EMSY: variants seen among roughly 807,000 people sequenced by gnomAD.
The protein encoded by EMSY is EMSY transcriptional repressor, BRCA2 interacting, also known as BRCA2-interacting transcriptional repressor EMSY.
EMSY carries 26 observed loss-of-function variants against 134.6 expected under a neutral mutation model. The ratio of observed to expected loss-of-function variants is 0.19; its 90% CI spans 0.14 to 0.27. The LOEUF (loss-of-function observed/expected upper bound fraction) is 0.27, where lower values mean the gene tolerates loss of function less well. Ranked by LOEUF, EMSY falls within the 10% of genes least tolerant of loss-of-function variation. The pLI, the probability that EMSY is intolerant of heterozygous loss-of-function variation, is 1.00. For missense variants in EMSY, 1,305 were observed against 1,611.4 expected (o/e 0.81, Z 3.26); for synonymous variants, 579 against 577.8 (o/e 1.00, Z -0.03).
chr11:76,539,222 T>C (rs148579897), intron 16 of EMSY, among the ~76,000 whole-genome samples: 259 of 152,282 alleles, frequency 1.7e-3, no homozygotes, highest in Middle Eastern at 3.4e-3. Flanking sequence ...ATGTGAATAA[T>C]TAAAGGGTTT....
intron 11 of EMSY, among the ~76,000 whole-genome samples, chr11:76,522,352 C>CTTTTTTTTTTTTTTTTTTTTTTT (rs71040003): frequency 6.8e-5 from 3 of 44,246 alleles, no homozygotes; most frequent in African/African-American, 9.4e-5. Flanking sequence ...GTTTACTTTG[C>CTTTTTTTTTTTTTTTTTTTTTTT]TTTTTTTTTT....
At chr11:76,459,945 A>G (rs1182309877) in exon 6 of EMSY, 15 of 1,614,034 alleles carry the variant, frequency 9.3e-6, no homozygotes, top group African/African-American at 4.0e-5. Context: ...GTGGTTTGCT[A>G]TTCCTACACA....
At chr11:76,525,898 C>T (rs534455476) in intron 12 of EMSY, among the ~76,000 whole-genome samples, 25 of 152,090 alleles carry the variant, frequency 1.6e-4, no homozygotes, top group African/African-American at 5.5e-4. Flanking sequence ...AATACCTCTG[C>T]TGATTTTGCT....
chr11:76,491,177 C>CTTTTTTTT (rs61688457), intron 8 of EMSY, among the ~76,000 whole-genome samples: 2 of 129,906 alleles, frequency 1.5e-5, no homozygotes, highest in Non-Finnish European at 1.6e-5. Context: ...CTTCTTTTTT[C>CTTTTTTTT]TTTTTTTTTT....
intron 14 of EMSY, 77 bp from the exon 16 acceptor site, chr11:76,535,818 A>G (rs1951203039): frequency 8.5e-7 from 1 of 1,172,608 alleles, no homozygotes; most frequent in Middle Eastern, 2.8e-4. Flanking sequence ...CAAACAGACA[A>G]AAAAATTGTT....
chr11:76,545,926 A>G (rs934705193), exon 20 of EMSY: 8 of 1,614,070 alleles, frequency 5.0e-6, no homozygotes, highest in South Asian at 2.2e-5. Context: ...AGTTACAAGC[A>G]TATCTCCCAT....
At chr11:76,514,721 C>A (rs1223376739) in intron 10 of EMSY, among the ~76,000 whole-genome samples, 1 of 152,142 alleles carries the variant, frequency 6.6e-6, no homozygotes, top group African/African-American at 2.4e-5. Flanking sequence ...GAAACTGAAA[C>A]TCTGTGTTCA....
intron 17 of EMSY, among the ~76,000 whole-genome samples, chr11:76,540,664 A>G (rs975385243): frequency 1.3e-5 from 2 of 152,236 alleles, no homozygotes; most frequent in African/African-American, 4.8e-5. Context: ...CTTATAATAC[A>G]TAAATGGCAT....
chr11:76,498,501 G>T (rs1002679319), intron 9 of EMSY, among the ~76,000 whole-genome samples: 1 of 152,062 alleles, frequency 6.6e-6, no homozygotes, highest in Admixed American at 6.6e-5. Context: ...ATTATATTTT[G>T]ATATATCTAT....
chr11:76,522,826 G>T (rs1381970264), intron 11 of EMSY, among the ~76,000 whole-genome samples: 1 of 152,130 alleles, frequency 6.6e-6, no homozygotes, highest in Non-Finnish European at 1.5e-5. Context: ...GGAAATACAT[G>T]TCATGGAATA....
chr11:76,541,133 T>C (rs952583322), intron 17 of EMSY, among the ~76,000 whole-genome samples: 1 of 152,094 alleles, frequency 6.6e-6, no homozygotes, highest in Non-Finnish European at 1.5e-5. Flanking sequence ...GGCTGAGGCA[T>C]GAGAGTAACT....
intron 7 of EMSY, among the ~76,000 whole-genome samples, chr11:76,465,779 A>T (rs1948326759): frequency 6.6e-6 from 1 of 152,188 alleles, no homozygotes; most frequent in Non-Finnish European, 1.5e-5. Context: ...TCTGCTTACG[A>T]ATGAAAATAG....
chr11:76,530,478 T>C (rs1951001309), intron 14 of EMSY, among the ~76,000 whole-genome samples: 1 of 152,180 alleles, frequency 6.6e-6, no homozygotes, highest in Admixed American at 6.5e-5. Flanking sequence ...CAGTTTTTAT[T>C]CTAAGAATGG....
intron 20 of EMSY, chr11:76,547,007 A>G (rs1353620636): frequency 2.3e-6 from 1 of 441,506 alleles, no homozygotes. Context: ...TCTAAAAATC[A>G]TCTCTTGTCA....
At chr11:76,546,887 AT>A (rs1951673652) in intron 20 of EMSY, 1 of 285,050 alleles carries the variant, frequency 3.5e-6, no homozygotes, top group Admixed American at 5.2e-5. Context: ...TAATTCAATC[AT>A]TGTTATTAAA....
chr11:76,491,606 G>T (rs1949426594), intron 8 of EMSY, among the ~76,000 whole-genome samples: 1 of 152,208 alleles, frequency 6.6e-6, no homozygotes, highest in Admixed American at 6.5e-5. Context: ...ACCCAGTTTG[G>T]ACTCTGTACT....
chr11:76,496,256 C>T, exon 9 of EMSY: 1 of 1,614,138 alleles, frequency 6.2e-7, no homozygotes, highest in Non-Finnish European at 8.5e-7. Context: ...AACCAGACTT[C>T]CTTCCCCCAA....
chr11:76,547,711 C>G (rs1951704152), intron 20 of EMSY, among the ~76,000 whole-genome samples: 1 of 152,234 alleles, frequency 6.6e-6, no homozygotes, highest in African/African-American at 2.4e-5. Flanking sequence ...ATCATGCCTA[C>G]TGGGGGCTTA....
At chr11:76,456,431 G>T (rs146741285) in intron 4 of EMSY, among the ~76,000 whole-genome samples, 1 of 152,112 alleles carries the variant, frequency 6.6e-6, no homozygotes, top group African/African-American at 2.4e-5. Flanking sequence ...CTTAAACAAT[G>T]TACCAGGTAA....
Sources: gnomAD v4.1 joint callset for allele counts (sites outside exome capture counted in the v4.1 genomes callset) on GRCh38, gnomAD v4.1.1 for gene constraint, MANE v1.5 for transcripts, NCBI Gene and HGNC (gene_info 2026-07-23, HGNC 2026-07-21) for gene names.